Variants in RBFOX2 observed in about 807,000 individuals in gnomAD.
RBFOX2 encodes RNA binding fox-1 homolog 2.
In RBFOX2, 10 loss-of-function variants were observed where a neutral mutation model predicts 49.1. The ratio of observed to expected loss-of-function variants is 0.20; its 90% confidence interval spans 0.13 to 0.35. The LOEUF (loss-of-function observed/expected upper bound fraction) is 0.35, where lower values mean the gene tolerates loss of function less well. Among genes scored for constraint, RBFOX2 ranks in the 10% least tolerant of loss-of-function variants. RBFOX2 has a pLI of 1.00. For synonymous variants in RBFOX2, 183 were observed against 187.4 expected (o/e 0.98, Z 0.19); for missense variants, 323 against 486.9 (o/e 0.66, Z 3.17).
chr22:36,028,642 T>G (rs2059544511), exon 1 of RBFOX2, among the ~76,000 whole-genome samples: 1 of 148,576 alleles, frequency 6.7e-6, no homozygotes, highest in African/African-American at 2.5e-5. Context: ...CCCGCCGGGT[T>G]GTCGGCGCGG....
chr22:35,998,162 A>G (rs1490492011), intron 1 of RBFOX2: 1 of 152,158 alleles, frequency 6.6e-6, no homozygotes, highest in Non-Finnish European at 1.5e-5. Context: ...ATTCTGATAC[A>G]ATTTTATATT....
chr22:35,744,393 G>T, intron 11 of RBFOX2, 144 bp from the exon 14 acceptor site: 1 of 704,826 alleles, frequency 1.4e-6, no homozygotes, highest in Non-Finnish European at 2.2e-6. Context: ...GTGCAGTGAA[G>T]TCAGGAAACC....
intron 1 of RBFOX2, among the ~76,000 whole-genome samples, chr22:35,822,324 T>TA (rs1954703617): frequency 1.3e-5 from 2 of 152,242 alleles, no homozygotes; most frequent in South Asian, 4.1e-4. Context: ...TGTTTGCTCT[T>TA]CATTATACCT....
chr22:35,887,361 G>T (rs1458835131), intron 1 of RBFOX2, among the ~76,000 whole-genome samples: 1 of 151,994 alleles, frequency 6.6e-6, no homozygotes, highest in Non-Finnish European at 1.5e-5. Context: ...CCCATCTCCT[G>T]CACTTCCTTG....
intron 5 of RBFOX2, among the ~76,000 whole-genome samples, chr22:35,766,594 A>G (rs1474411781): frequency 2.6e-5 from 4 of 152,228 alleles, no homozygotes. Context: ...CAAATAATAT[A>G]AACGTTTCAC....
intron 1 of RBFOX2, among the ~76,000 whole-genome samples, chr22:35,991,777 C>G (rs1016248626): frequency 6.6e-6 from 1 of 152,134 alleles, no homozygotes; most frequent in Non-Finnish European, 1.5e-5. Context: ...CTGACAAGAA[C>G]GGGCACCAGA....
intron 1 of RBFOX2, among the ~76,000 whole-genome samples, chr22:35,977,248 A>G (rs1470590904): frequency 1.3e-5 from 2 of 152,146 alleles, no homozygotes; most frequent in Non-Finnish European, 2.9e-5. Flanking sequence ...AAAGTGGTAC[A>G]GCCACTTTGG....
intron 1 of RBFOX2, among the ~76,000 whole-genome samples, chr22:35,864,076 C>T (rs1467250197): frequency 6.6e-6 from 1 of 152,148 alleles, no homozygotes; most frequent in Non-Finnish European, 1.5e-5. Flanking sequence ...AACATATTCT[C>T]TTAATTTCCT....
upstream of RBFOX2, among the ~76,000 whole-genome samples, chr22:35,941,291 G>A (rs752376307): frequency 4.8e-4 from 73 of 152,182 alleles, no homozygotes; most frequent in Non-Finnish European, 9.7e-4. Context: ...TTTTAACAAT[G>A]ATGATGATAA....
At chr22:35,811,876 G>C (rs1301385653) in intron 1 of RBFOX2, among the ~76,000 whole-genome samples, 1 of 151,128 alleles carries the variant, frequency 6.6e-6, no homozygotes, top group African/African-American at 2.4e-5. Flanking sequence ...AAGGAGGACT[G>C]CTTGAGCCCA....
intron 1 of RBFOX2, among the ~76,000 whole-genome samples, chr22:35,854,360 G>T (rs925730588): frequency 1.3e-5 from 2 of 152,082 alleles, no homozygotes; most frequent in African/African-American, 2.4e-5. Flanking sequence ...TGAGTCAGGA[G>T]GATTGCTTGA....
intron 1 of RBFOX2, among the ~76,000 whole-genome samples, chr22:36,019,166 C>T (rs948491808): frequency 1.2e-4 from 18 of 152,222 alleles, no homozygotes; most frequent in Non-Finnish European, 2.2e-4. Flanking sequence ...ACCCTCCCAA[C>T]AGAGATCCCA....
At chr22:35,886,688 C>T (rs1473680044) in intron 1 of RBFOX2, among the ~76,000 whole-genome samples, 1 of 152,166 alleles carries the variant, frequency 6.6e-6, no homozygotes, top group African/African-American at 2.4e-5. Context: ...AGTAAAGATA[C>T]AATTGTTATT....
chr22:35,826,756 C>CTTTCCT (rs1555986867), intron 1 of RBFOX2, among the ~76,000 whole-genome samples: 2 of 152,076 alleles, frequency 1.3e-5, no homozygotes, highest in Non-Finnish European at 2.9e-5. Context: ...TTTTCCTATA[C>CTTTCCT]ATATATAACT....
rs796079547 is a variant in RBFOX2, at chr22:35,985,894, AGATAGATG to A, written c.186+42338_186+42345del. Among the ~76,000 whole-genome samples, 326 of 138,762 alleles carry A rather than the reference AGATAGATG, an allele frequency of 2.3e-3. 2 individuals carry two copies. The highest frequency in any genetic ancestry group is 3.6e-3 in the Admixed American group (46 of 12,760). The allele number at this position is 138,762 out of a possible 152,430, so 91.0% of individuals were successfully genotyped here. A position where few individuals can be genotyped will look rare whatever the true frequency, so the allele number is the denominator to read the frequency against. On this transcript the variant is annotated intron_variant, in intron 1 of 13. Coordinates refer to the RBFOX2 transcript ENST00000438146. ...AGACTCCATCTCTAGATAGATAGAT[AGATAGATG>A]GATAGATAGATAGATAGATAGATAG...
chr22:35,891,349 G>T lies in RBFOX2; in HGVS notation c.-34+47498C>A, dbSNP rs575275968. On this transcript the variant is annotated intron_variant, in intron 1 of 13. Coordinates refer to the RBFOX2 transcript ENST00000359369. ...GGTGTTTCACCATGTTAGCCAGAATGGTCTCGATCTCCTGACCTCATGATC... is the reference window on the plus strand; with the variant it reads ...GGTGTTTCACCATGTTAGCCAGAATTGTCTCGATCTCCTGACCTCATGATC... 2.6e-5 allele frequency among the ~76,000 whole-genome samples: 4 copies of T among 152,128 alleles called. No individual in the cohort carries two copies. The South Asian group carries it at 8.3e-4, about 32-fold the overall frequency.
chr22:35,933,925 G>GTTTT (rs201843204), intron 1 of RBFOX2, among the ~76,000 whole-genome samples: 23 of 92,018 alleles, frequency 2.5e-4, no homozygotes, highest in Non-Finnish European at 4.3e-4. Flanking sequence ...ATAATTAAAT[G>GTTTT]TTATATATAT....
intron 1 of RBFOX2, among the ~76,000 whole-genome samples, chr22:35,877,041 A>C (rs2045215210): frequency 6.6e-6 from 1 of 152,238 alleles, no homozygotes; most frequent in Non-Finnish European, 1.5e-5. Flanking sequence ...GAGTACTTTC[A>C]AGGGTTTTAG....
At chr22:35,791,686 C>CA (rs768754931) in intron 2 of RBFOX2, among the ~76,000 whole-genome samples, 8 of 152,054 alleles carry the variant, frequency 5.3e-5, no homozygotes, top group African/African-American at 1.9e-4. Flanking sequence ...ATTTTACATA[C>CA]AAAAAACCAA....
Sources: gnomAD v4.1 joint callset for allele counts (sites outside exome capture counted in the v4.1 genomes callset) on GRCh38, gnomAD v4.1.1 for gene constraint, MANE v1.5 for transcripts, NCBI Gene and HGNC (gene_info 2026-07-23, HGNC 2026-07-21) for gene names.